Variants in NR6A1 observed in about 807,000 individuals in gnomAD.
NR6A1 encodes the protein retinoic acid receptor-related testis-associated receptor.
NR6A1 carries 7 observed loss-of-function variants against 59.1 expected under a neutral mutation model. The observed-to-expected ratio is 0.12, with a 90% confidence interval of 0.07 to 0.22. The LOEUF (loss-of-function observed/expected upper bound fraction) is 0.22. Ranked by LOEUF, NR6A1 falls within the 10% of genes least tolerant of loss-of-function variation. The pLI is 1.00. For missense variants in NR6A1, 468 were observed against 611.6 expected, an observed-to-expected ratio of 0.77 and a Z score of 2.48; for synonymous variants, 243 against 236.1, an observed-to-expected ratio of 1.03 and a Z score of -0.27.
chr9:124,551,918 G>C (rs1833789424), intron 3 of NR6A1, among the ~76,000 whole-genome samples: 1 of 152,166 alleles, frequency 6.6e-6, no homozygotes, highest in Non-Finnish European at 1.5e-5. Context: ...CACCAACCAG[G>C]AGGTGGCAGG....
At chr9:124,770,989 C>T in intron 1 of NR6A1, 31 bp downstream of exon 1, 1 of 1,177,722 alleles carries the variant, frequency 8.5e-7, no homozygotes, top group African/African-American at 1.6e-5. Context: ...CGGTTCCTGC[C>T]TGGCCCGGGC....
chr9:124,537,965 T>TGACACTTGAGTCATTATCCCCC, intron 6 of NR6A1, 127 bp downstream of exon 6: 1 of 693,010 alleles, frequency 1.4e-6, no homozygotes, highest in Non-Finnish European at 2.4e-6. Flanking sequence ...ATTTGTCCCC[T>TGACACTTGAGTCATTATCCCCC]GACACTTGAG....
chr9:124,736,747 G>T (rs1312530173), intron 1 of NR6A1, among the ~76,000 whole-genome samples: 1 of 152,110 alleles, frequency 6.6e-6, no homozygotes, highest in South Asian at 2.1e-4. Flanking sequence ...TTGGGAGGCT[G>T]AGGTAGAGAT....
intron 2 of NR6A1, among the ~76,000 whole-genome samples, chr9:124,669,471 C>T (rs1327963900): frequency 6.6e-6 from 1 of 152,228 alleles, no homozygotes; most frequent in African/African-American, 2.4e-5. Flanking sequence ...ATCCTGCCTT[C>T]AGTACCTTCA....
At chr9:124,577,661 C>T (rs1486710592) in intron 2 of NR6A1, among the ~76,000 whole-genome samples, 1 of 152,176 alleles carries the variant, frequency 6.6e-6, no homozygotes, top group Non-Finnish European at 1.5e-5. Context: ...TTTCATTTCG[C>T]CTTTAAATGA....
intron 1 of NR6A1, among the ~76,000 whole-genome samples, chr9:124,769,473 G>C (rs1841045790): frequency 6.6e-6 from 1 of 152,142 alleles, no homozygotes; most frequent in Non-Finnish European, 1.5e-5. Flanking sequence ...TTCAACAATT[G>C]AGCGCCTAAC....
intron 1 of NR6A1, among the ~76,000 whole-genome samples, chr9:124,745,687 A>G (rs1047568721): frequency 6.1e-5 from 9 of 147,494 alleles, no homozygotes; most frequent in African/African-American, 1.0e-4. Context: ...AAAAAAAAAA[A>G]AATCCTAAGA....
intron 1 of NR6A1, among the ~76,000 whole-genome samples, chr9:124,767,302 CG>C (rs1162429655): frequency 2.0e-5 from 3 of 152,010 alleles, no homozygotes; most frequent in African/African-American, 4.8e-5. Context: ...CTTTTTGCTA[CG>C]GAAGTCAGAA....
chr9:124,769,007 G>T (rs1328171477), intron 1 of NR6A1, among the ~76,000 whole-genome samples: 1 of 152,122 alleles, frequency 6.6e-6, no homozygotes, highest in African/African-American at 2.4e-5. Flanking sequence ...TTTAGATCAG[G>T]ATTTACAACA....
rs533985183 is a variant in NR6A1 at position 124,602,225 on chromosome 9, A to G, written c.143-47655T>C. Reference sequence around the variant, plus strand: ...CAAGAACAGATTATAACATGAATAAATAAGTCCTTTTTGAATGAAAACAAA... The same window carrying G: ...CAAGAACAGATTATAACATGAATAAGTAAGTCCTTTTTGAATGAAAACAAA... On this transcript the variant is annotated intron_variant, in intron 2 of 9. Coordinates refer to ENST00000487099, the MANE Select transcript of NR6A1 (RefSeq NM_033334.4). Among the ~76,000 whole-genome samples, 8 of 152,362 alleles carry G rather than the reference A, an allele frequency of 5.3e-5. No individual in the cohort carries two copies. In the East Asian group the frequency reaches 1.3e-3, roughly 26 times the overall value.
intron 2 of NR6A1, among the ~76,000 whole-genome samples, chr9:124,567,437 C>T (rs1490176699): frequency 2.0e-5 from 3 of 152,036 alleles, no homozygotes; most frequent in Admixed American, 6.6e-5. Flanking sequence ...AAAAGGATTC[C>T]ACAACGAAGA....
chr9:124,592,258 T>C (rs1588693863), intron 2 of NR6A1, among the ~76,000 whole-genome samples: 1 of 146,770 alleles, frequency 6.8e-6, no homozygotes, highest in East Asian at 1.9e-4. Context: ...GCCCTCCCCC[T>C]AATACACATT....
chr9:124,685,176 T>C (rs573997621), intron 2 of NR6A1, among the ~76,000 whole-genome samples: 183 of 152,320 alleles, frequency 1.2e-3, no homozygotes, highest in African/African-American at 4.4e-3. Flanking sequence ...GATTCCCAAA[T>C]GTCCACTTTT....
At chr9:124,740,171 T>C (rs1840135810) in intron 1 of NR6A1, among the ~76,000 whole-genome samples, 1 of 152,166 alleles carries the variant, frequency 6.6e-6, no homozygotes, top group African/African-American at 2.4e-5. Flanking sequence ...CCTTTACACA[T>C]GCTATTTTCT....
At chr9:124,637,068 G>T (rs1234193981) in intron 2 of NR6A1, among the ~76,000 whole-genome samples, 1 of 152,166 alleles carries the variant, frequency 6.6e-6, no homozygotes, top group Non-Finnish European at 1.5e-5. Flanking sequence ...CCGGAGGCAG[G>T]AGTGATACAT....
At chr9:124,633,398 G>A (rs867147291) in intron 2 of NR6A1, among the ~76,000 whole-genome samples, 10 of 90,262 alleles carry the variant, frequency 1.1e-4, no homozygotes, top group South Asian at 4.0e-4. Flanking sequence ...GCGAAACTCC[G>A]TCTCAAAAAA....
intron 2 of NR6A1, among the ~76,000 whole-genome samples, chr9:124,715,179 AGAGT>A (rs1317127653): frequency 6.6e-6 from 1 of 151,496 alleles, no homozygotes; most frequent in African/African-American, 2.4e-5. Flanking sequence ...GCCTGGTGAC[AGAGT>A]GAGTGAGACT....
chr9:124,586,153 T>C (rs1020623899), intron 2 of NR6A1, among the ~76,000 whole-genome samples: 44 of 152,310 alleles, frequency 2.9e-4, no homozygotes, highest in African/African-American at 7.5e-4. Context: ...ATACATATCA[T>C]AAGGCTATAG....
intron 2 of NR6A1, among the ~76,000 whole-genome samples, chr9:124,587,810 C>T (rs1208219291): frequency 6.6e-6 from 1 of 152,224 alleles, no homozygotes; most frequent in East Asian, 1.9e-4. Context: ...ATTCACATGA[C>T]TTTACTAACG....
Sources: gnomAD v4.1 joint callset for allele counts (sites outside exome capture counted in the v4.1 genomes callset) on GRCh38, gnomAD v4.1.1 for gene constraint, MANE v1.5 for transcripts, NCBI Gene and HGNC (gene_info 2026-07-23, HGNC 2026-07-21) for gene names.